LOXL2: variants seen among roughly 807,000 people sequenced by gnomAD.
LOXL2 encodes lysyl oxidase like 2.
A neutral mutation model predicts 93.0 loss-of-function variants in LOXL2; 70 were observed. The ratio of observed to expected loss-of-function variants is 0.75; its 90% confidence interval spans 0.62 to 0.92. The LOEUF is 0.92. LOXL2 is among the 40% of genes least tolerant of loss of function. The pLI, the probability that LOXL2 is intolerant of heterozygous loss-of-function variation, is 0.00. For missense variants in LOXL2, 973 were observed against 1,054.9 expected, an observed-to-expected ratio of 0.92 and a Z score of 1.08; for synonymous variants, 438 against 413.2, an observed-to-expected ratio of 1.06 and a Z score of -0.73.
chr8:23,324,887 T>C (rs548867068), intron 6 of LOXL2, among the ~76,000 whole-genome samples: 2 of 152,344 alleles, frequency 1.3e-5, no homozygotes, highest in African/African-American at 4.8e-5. Context: ...TAAGCTCTTG[T>C]TTAGAAAACC....
At chr8:23,362,045 G>A (rs1804302946) in intron 2 of LOXL2, among the ~76,000 whole-genome samples, 1 of 150,606 alleles carries the variant, frequency 6.6e-6, no homozygotes, top group Non-Finnish European at 1.5e-5. Flanking sequence ...GTGTCTCTAA[G>A]AGATATCTAC....
At chr8:23,339,870 G>A (rs1803852468) in intron 4 of LOXL2, among the ~76,000 whole-genome samples, 1 of 152,140 alleles carries the variant, frequency 6.6e-6, no homozygotes, top group South Asian at 2.1e-4. Context: ...CCCATGTGAG[G>A]GGCTGGGGGC....
chr8:23,388,633 A>T (rs1313684724), intron 1 of LOXL2, among the ~76,000 whole-genome samples: 1 of 31,206 alleles, frequency 3.2e-5, no homozygotes, highest in Non-Finnish European at 6.5e-5. Context: ...TCACACACAC[A>T]CACACACACA....
chr8:23,309,514 T>G (rs1236252670), intron 10 of LOXL2, among the ~76,000 whole-genome samples, 154 bp downstream of exon 10: 3 of 152,196 alleles, frequency 2.0e-5, no homozygotes, highest in Admixed American at 2.0e-4. Flanking sequence ...TGACAGCCAG[T>G]GTGGCAGATG....
chr8:23,341,881 G>C (rs1304216283), intron 3 of LOXL2, among the ~76,000 whole-genome samples: 1 of 152,210 alleles, frequency 6.6e-6, no homozygotes, highest in Admixed American at 6.5e-5. Context: ...GGATCAGGGA[G>C]GTAGGGTTGG....
intron 4 of LOXL2, 108 bp from the exon 5 acceptor site, chr8:23,333,731 G>C: frequency 2.3e-6 from 2 of 869,878 alleles, no homozygotes; most frequent in Non-Finnish European, 3.5e-6. Flanking sequence ...CTGGAGCTCA[G>C]CCCTGCTTCA....
rs372449584 is a variant in LOXL2, at chr8:23,297,717, G to A, written c.*326C>T. The A allele has an allele frequency of 7.3e-5, 19 of 259,160 alleles. 2 individuals are homozygous for A. The highest frequency in any genetic ancestry group is 6.7e-4 in the South Asian group (9 of 13,470). 16.1% of individuals were successfully genotyped at this position (259,160 alleles called of 1,614,324 possible). A position where few individuals can be genotyped will look rare whatever the true frequency, so the allele number is the denominator to read the frequency against. On this transcript the variant is annotated 3_prime_UTR_variant, in exon 14 of 14. Transcript: ENST00000389131. ...GCTCCACTGTGTCTGTGGTGAGCTC[G>A]GTGGCTTGAATGGGACAAGCTGATG...
intron 11 of LOXL2, among the ~76,000 whole-genome samples, chr8:23,302,923 A>C (rs1027997396): frequency 6.6e-6 from 1 of 152,156 alleles, no homozygotes; most frequent in Non-Finnish European, 1.5e-5. Flanking sequence ...GACACTTGGC[A>C]TTGGGACACC....
At chr8:23,384,821 G>A (rs1202635859) in intron 1 of LOXL2, among the ~76,000 whole-genome samples, 1 of 152,176 alleles carries the variant, frequency 6.6e-6, no homozygotes, top group Non-Finnish European at 1.5e-5. Context: ...GGCTGAGGCA[G>A]GAGAATCGCT....
intron 10 of LOXL2, among the ~76,000 whole-genome samples, chr8:23,308,703 T>C (rs968078271): frequency 6.6e-6 from 1 of 152,186 alleles, no homozygotes; most frequent in Non-Finnish European, 1.5e-5. Context: ...TGGCTTGTGG[T>C]GGCTCTAGCC....
chr8:23,302,595 A>G (rs1184732955), intron 11 of LOXL2, among the ~76,000 whole-genome samples: 1 of 152,206 alleles, frequency 6.6e-6, no homozygotes, highest in East Asian at 1.9e-4. Context: ...TGCACATGGT[A>G]AGAGGTCAAC....
chr8:23,361,525 C>T (rs1297208478), intron 2 of LOXL2, among the ~76,000 whole-genome samples: 1 of 152,092 alleles, frequency 6.6e-6, no homozygotes, highest in African/African-American at 2.4e-5. Context: ...CACCACCTCA[C>T]ACCCTTAGGA....
chr8:23,312,289 A>C (rs1803330747), intron 9 of LOXL2, among the ~76,000 whole-genome samples: 1 of 148,050 alleles, frequency 6.8e-6, no homozygotes, highest in East Asian at 2.0e-4. Context: ...ATCCTCCCTA[A>C]CTCATTTTAT....
At chr8:23,333,345 A>G in intron 5 of LOXL2, 56 bp downstream of exon 5, 1 of 1,520,438 alleles carries the variant, frequency 6.6e-7, no homozygotes, top group Non-Finnish European at 9.1e-7. Context: ...TACTCCCTCA[A>G]CACCCTCCCA....
In LOXL2 at chr8:23,303,396, G is replaced by A; in HGVS notation, c.1882C>T (p.His628Tyr). Residue 628 changes from histidine to tyrosine, a missense_variant and splice_region_variant, in exon 11 of 14, where the codon CAC becomes TAC. Coordinates refer to ENST00000389131, the MANE Select transcript of LOXL2 (RefSeq NM_002318.3). ...HAWIWHDCHR[H>Y]YHSMEVFTHY... Reference sequence around the variant, plus strand: ...GTGAACACCTCCATGCTGTGGTAGTGCCTGGAGCGAGAGAGAGATGGCCTG... The same window carrying A: ...GTGAACACCTCCATGCTGTGGTAGTACCTGGAGCGAGAGAGAGATGGCCTG... The A allele has an allele frequency of 6.3e-7, 1 of 1,584,004 alleles. No individual in the cohort carries two copies. Among genetic ancestry groups the A allele is most frequent in the Non-Finnish European group, 8.7e-7 (1 of 1,152,982 alleles).
At chr8:23,337,597 C>G (rs555069861) in intron 4 of LOXL2, 1 of 152,196 alleles carries the variant, frequency 6.6e-6, no homozygotes, top group Non-Finnish European at 1.5e-5. Flanking sequence ...CCAGGCAAAC[C>G]GCTGGAGGCC....
At chr8:23,311,264 C>A (rs913060273) in intron 9 of LOXL2, among the ~76,000 whole-genome samples, 11 of 152,160 alleles carry the variant, frequency 7.2e-5, no homozygotes, top group African/African-American at 2.2e-4. Flanking sequence ...GAGAGCAGAT[C>A]CACTCGCAAG....
rs187890007 is a variant in LOXL2, at chr8:23,378,698, A to T, written c.-83-10264T>A. On this transcript the variant is annotated intron_variant, in intron 1 of 13. Transcript: ENST00000389131. ...GCTTCATTTCATTCATTTGATCTTC[A>T]ATCACTGATACCCTTTCTTCTGGTT... is the stretch of plus-strand genomic sequence containing the variant. Among the ~76,000 whole-genome samples the T allele has an allele frequency of 4.6e-4, 70 of 152,162 alleles. No homozygotes were observed. In the East Asian group the frequency reaches 0.013, roughly 28 times the overall value.
intron 4 of LOXL2, among the ~76,000 whole-genome samples, chr8:23,333,894 A>G (rs1211972142): frequency 3.3e-5 from 5 of 152,222 alleles, no homozygotes; most frequent in East Asian, 1.9e-4. Context: ...GACTCACTCA[A>G]TGTGGTGAAA....
Sources: allele counts gnomAD v4.1 joint callset (sites outside exome capture counted in the v4.1 genomes callset), GRCh38; gene constraint gnomAD v4.1.1; transcripts MANE v1.5; gene names NCBI Gene and HGNC (gene_info 2026-07-23, HGNC 2026-07-21).